The following SLAMF1 variants were observed in gnomAD, a reference collection of about 807,000 sequenced individuals.
SLAMF1 encodes the protein signaling lymphocytic activation molecule family member 1, also known as signaling lymphocytic activation molecule.
In SLAMF1, 18 loss-of-function variants were observed where a neutral mutation model predicts 35.1. The observed-to-expected ratio is 0.51, with a 90% CI of 0.35 to 0.76. The LOEUF (loss-of-function observed/expected upper bound fraction) is 0.76, where lower values mean the gene tolerates loss of function less well. SLAMF1 is among the 30% of genes least tolerant of loss of function. The pLI, the probability that SLAMF1 is intolerant of heterozygous loss-of-function variation, is 0.01. For missense variants in SLAMF1, 392 were observed against 413.0 expected, an observed-to-expected ratio of 0.95 and a Z score of 0.44; for synonymous variants, 168 against 157.2, an observed-to-expected ratio of 1.07 and a Z score of -0.51.
At chr1:160,621,855 C>CGTGCGTGTGTGTGTGT (rs111359378) in intron 4 of SLAMF1, among the ~76,000 whole-genome samples, 4 of 145,210 alleles carry the variant, frequency 2.8e-5, no homozygotes, top group African/African-American at 1.0e-4. Context: ...TGCGTGAGTG[C>CGTGCGTGTGTGTGTGT]GTGTGTGTGT....
At chr1:160,613,893 T>G (rs1224476069) in intron 5 of SLAMF1, among the ~76,000 whole-genome samples, 1 of 152,262 alleles carries the variant, frequency 6.6e-6, no homozygotes, top group Non-Finnish European at 1.5e-5. Context: ...ATGAATTGCC[T>G]TGGCAGGCAA....
Position 160,610,189 on chromosome 1 carries a change from C to CA in SLAMF1, c.*558dup, listed in dbSNP as rs760136480. On this transcript the variant is annotated 3_prime_UTR_variant, in exon 7 of 7. Transcript: ENST00000302035. ...CTTAGCTTCCTTTATACAATAATAT[C>CA]AGAGTGTTTTATGTATAATAAGAAA... is the stretch of plus-strand genomic sequence containing the variant. 94 of 400,840 alleles carry CA rather than the reference C, an allele frequency of 2.3e-4. No individual in the cohort carries two copies. The highest frequency in any genetic ancestry group is 4.0e-4 in the Non-Finnish European group (80 of 201,712). 24.8% of individuals were successfully genotyped at this position (400,840 alleles called of 1,614,324 possible).
At chr1:160,628,018 G>GT (rs1659972330) in intron 3 of SLAMF1, among the ~76,000 whole-genome samples, 1 of 152,118 alleles carries the variant, frequency 6.6e-6, no homozygotes, top group South Asian at 2.1e-4. Context: ...CTGCTGCCAC[G>GT]TAAGACATGA....
At chr1:160,627,881 G>T (rs899628347) in intron 3 of SLAMF1, among the ~76,000 whole-genome samples, 1 of 152,122 alleles carries the variant, frequency 6.6e-6, no homozygotes, top group African/African-American at 2.4e-5. Context: ...ATGTGTCAAG[G>T]GTGGGGCCAG....
At chr1:160,618,100 C>T (rs529400165) in intron 5 of SLAMF1, among the ~76,000 whole-genome samples, 10 of 152,034 alleles carry the variant, frequency 6.6e-5, no homozygotes, top group Non-Finnish European at 7.4e-5. Flanking sequence ...ACAAAAAACA[C>T]GCAACACTGA....
intron 2 of SLAMF1, among the ~76,000 whole-genome samples, chr1:160,635,413 T>C (rs553979742): frequency 6.6e-6 from 1 of 152,304 alleles, no homozygotes; most frequent in Admixed American, 6.5e-5. Flanking sequence ...TAAGTGCTTT[T>C]GTGTGTCTGA....
intron 5 of SLAMF1, among the ~76,000 whole-genome samples, chr1:160,615,473 A>T (rs992097966): frequency 2.0e-5 from 3 of 152,172 alleles, no homozygotes; most frequent in African/African-American, 4.8e-5. Flanking sequence ...TAATAAAAAT[A>T]TAACTTAAAA....
At chr1:160,612,707 A>C in intron 5 of SLAMF1, 127 bp from the exon 6 acceptor site, 1 of 603,228 alleles carries the variant, frequency 1.7e-6, no homozygotes, top group Admixed American at 2.7e-5. Context: ...ATTTGGTCCA[A>C]CCTCCTTCTC....
At chr1:160,641,460 CAAAAAAAT>C (rs200554937) in intron 1 of SLAMF1, among the ~76,000 whole-genome samples, 3,357 of 148,754 alleles carry the variant, frequency 0.023, 36 homozygotes, top group South Asian at 0.047. Flanking sequence ...AGGGAATAAC[CAAAAAAAT>C]AAAAAAATAA....
chr1:160,644,988 T>C (rs1381914084), intron 1 of SLAMF1, among the ~76,000 whole-genome samples: 2 of 152,190 alleles, frequency 1.3e-5, no homozygotes, highest in African/African-American at 4.8e-5. Flanking sequence ...TAGGGGAGGC[T>C]ATGTATGTAT....
intron 1 of SLAMF1, among the ~76,000 whole-genome samples, chr1:160,644,371 T>C (rs2102371163): frequency 6.6e-6 from 1 of 152,362 alleles, no homozygotes. Flanking sequence ...TCCTCATTTA[T>C]AAAGTTGTAA....
intron 4 of SLAMF1, among the ~76,000 whole-genome samples, chr1:160,622,525 G>T (rs986997258): frequency 2.6e-5 from 4 of 152,002 alleles, no homozygotes; most frequent in African/African-American, 9.7e-5. Context: ...CTTACACATT[G>T]CCATTTTAAT....
At position 160,636,915 on chromosome 1, in the gene SLAMF1, G is replaced by A. The variant is rs1031263470; in HGVS notation, c.415+276C>T. On this transcript the variant is annotated intron_variant, in intron 2 of 6. Transcript: ENST00000302035. ...GCAAACCAAGATCCTTGGGTCTATC[G>A]GCCCTCCAGCCCACAAGGAGCTGTG... The A allele has an allele frequency of 5.5e-5, 23 of 420,442 alleles. No homozygotes were observed. The Admixed American group carries it at 6.4e-4, about 12-fold the overall frequency. The allele number at this position is 420,442 out of a possible 1,614,324, so 26.0% of individuals were successfully genotyped here.
At chr1:160,618,058 G>T (rs1182298055) in intron 5 of SLAMF1, among the ~76,000 whole-genome samples, 1 of 150,300 alleles carries the variant, frequency 6.7e-6, no homozygotes, top group Non-Finnish European at 1.5e-5. Flanking sequence ...GGGCGATAAA[G>T]CAAGACTCTG....
intron 1 of SLAMF1, among the ~76,000 whole-genome samples, chr1:160,638,190 A>T (rs1660554815): frequency 6.6e-6 from 1 of 151,944 alleles, no homozygotes; most frequent in Non-Finnish European, 1.5e-5. Context: ...TCAAACCACT[A>T]TGAGGGTTCC....
intron 6 of SLAMF1, 30 bp from the exon 7 acceptor site, chr1:160,610,828 AGG>A (rs1246203360): frequency 1.3e-5 from 19 of 1,511,812 alleles, no homozygotes; most frequent in Non-Finnish European, 1.7e-5. Flanking sequence ...CTGTGAGTAG[AGG>A]GACTGGATAC....
chr1:160,641,265 C>T (rs1233190144), intron 1 of SLAMF1, among the ~76,000 whole-genome samples: 1 of 151,842 alleles, frequency 6.6e-6, no homozygotes, highest in African/African-American at 2.4e-5. Flanking sequence ...TTTTTAAAGA[C>T]CAACTTTGAT....
chr1:160,645,079 C>T (rs1490401725), intron 1 of SLAMF1, among the ~76,000 whole-genome samples: 1 of 152,154 alleles, frequency 6.6e-6, no homozygotes, highest in Non-Finnish European at 1.5e-5. Context: ...AAAATAAAGT[C>T]TATTAAAACA....
intron 2 of SLAMF1, 76 bp from the exon 3 acceptor site, chr1:160,634,973 C>T (rs534419827): frequency 1.5e-6 from 2 of 1,316,864 alleles, no homozygotes; most frequent in Non-Finnish European, 2.1e-6. Flanking sequence ...TTTGTTAGAA[C>T]AAAGTACAGC....
Sources: allele counts gnomAD v4.1 joint callset (sites outside exome capture counted in the v4.1 genomes callset), GRCh38; gene constraint gnomAD v4.1.1; transcripts MANE v1.5; gene names NCBI Gene and HGNC (gene_info 2026-07-23, HGNC 2026-07-21).